The following ZNF735 variants were observed in gnomAD, a reference collection of about 807,000 sequenced individuals.
ZNF735 encodes zinc finger protein 735.
Under a neutral mutation model 13.4 loss-of-function variants are expected in ZNF735, and 11 were observed. The observed-to-expected ratio is 0.82, with a 90% CI of 0.52 to 1.36. ZNF735 has a LOEUF of 1.36. Among genes scored for constraint, ZNF735 ranks in the 40% most tolerant of loss-of-function variants. The pLI, the probability that ZNF735 is intolerant of heterozygous loss-of-function variation, is 0.00. For synonymous variants in ZNF735, 171 were observed against 162.6 expected (o/e 1.05, Z -0.39); for missense variants, 500 against 484.6 (o/e 1.03, Z -0.30).
intron 1 of ZNF735, among the ~76,000 whole-genome samples, chr7:64,209,572 G>T (rs1402046970): frequency 6.6e-6 from 1 of 151,530 alleles, no homozygotes; most frequent in Non-Finnish European, 1.5e-5. Flanking sequence ...TGATTTGCCC[G>T]CCTTGGCCTC....
chr7:64,214,989 A>C (rs1448725698), intron 3 of ZNF735, among the ~76,000 whole-genome samples: 1 of 151,610 alleles, frequency 6.6e-6, no homozygotes. Flanking sequence ...AATTTTGTGC[A>C]ACCTTTCAAA....
chr7:64,208,242 A>ATTT (rs1491567574), intron 1 of ZNF735, among the ~76,000 whole-genome samples: 27 of 76,380 alleles, frequency 3.5e-4, no homozygotes, highest in Middle Eastern at 8.3e-3. Flanking sequence ...TCTCCAATAA[A>ATTT]TGTTTTTTTT....
chr7:64,208,248 T>TG (rs1787314636), intron 1 of ZNF735, among the ~76,000 whole-genome samples: 1 of 48,972 alleles, frequency 2.0e-5, no homozygotes, highest in Non-Finnish European at 4.1e-5. Flanking sequence ...ATAAATGTTT[T>TG]TTTTTTTTTT....
At chr7:64,214,196 C>A (rs1787393250) in intron 3 of ZNF735, 88 bp downstream of exon 3, 1 of 1,353,970 alleles carries the variant, frequency 7.4e-7, no homozygotes. Flanking sequence ...GTCTGCAGAG[C>A]TGTGCTTTTA....
chr7:64,213,624 T>G (rs1787386145), intron 2 of ZNF735, among the ~76,000 whole-genome samples: 1 of 152,156 alleles, frequency 6.6e-6, no homozygotes, highest in Non-Finnish European at 1.5e-5. Flanking sequence ...TATTATATCC[T>G]TTTTACTGAG....
At chr7:64,208,536 C>G (rs1202399842) in intron 1 of ZNF735, among the ~76,000 whole-genome samples, 1 of 152,102 alleles carries the variant, frequency 6.6e-6, no homozygotes, top group African/African-American at 2.4e-5. Flanking sequence ...GGGTTATAGG[C>G]ATGAGCCACC....
At chr7:64,215,307 C>G (rs973559019) in intron 3 of ZNF735, among the ~76,000 whole-genome samples, 1 of 152,154 alleles carries the variant, frequency 6.6e-6, no homozygotes, top group Admixed American at 6.5e-5. Flanking sequence ...ATCTGCCCAC[C>G]TCAGCCTCCC....
intron 3 of ZNF735, among the ~76,000 whole-genome samples, chr7:64,217,441 T>C (rs1787435537): frequency 1.3e-5 from 2 of 152,184 alleles, no homozygotes; most frequent in South Asian, 2.1e-4. Flanking sequence ...TGAATTCATA[T>C]ACAATACAAT....
chr7:64,215,927 T>G (rs1171889279), intron 3 of ZNF735, among the ~76,000 whole-genome samples: 2 of 152,192 alleles, frequency 1.3e-5, no homozygotes, highest in East Asian at 3.8e-4. Context: ...TTGCTTTTTA[T>G]TATGTTTTGA....
At chr7:64,215,126 A>G (rs1018145728) in intron 3 of ZNF735, among the ~76,000 whole-genome samples, 2 of 151,360 alleles carry the variant, frequency 1.3e-5, no homozygotes, top group Non-Finnish European at 2.9e-5. Context: ...CAATGGGGCA[A>G]TTTTGGCTCA....
chr7:64,219,428 A>G (rs1562834062), exon 4 of ZNF735: 2 of 1,613,988 alleles, frequency 1.2e-6, no homozygotes, highest in Non-Finnish European at 1.7e-6. Flanking sequence ...TTACAATTAA[A>G]AAAATGTTGT....
chr7:64,219,673 A>G (rs1333709475), exon 4 of ZNF735: 4 of 1,586,136 alleles, frequency 2.5e-6, no homozygotes, highest in African/African-American at 1.3e-5. Flanking sequence ...GATAATTCAT[A>G]CTAAGGAGAA....
Position 64,219,743 on chromosome 7 carries a change from A to G in ZNF735, c.692A>G (p.His231Arg), listed in dbSNP as rs147086260. 283 of 1,606,968 alleles carry G rather than the reference A, an allele frequency of 1.8e-4. 1 individual carries two copies. The East Asian group carries it at 4.4e-3, about 25-fold the overall frequency. ...AACCACTCCTCAAGCGGTACTACAC[A>G]TAAAAGAATTCTTACTGGAGAGAAA... Residue 231 changes from histidine to arginine, a missense_variant, in exon 4 of 4, where the codon CAT becomes CGT. Coordinates refer to ENST00000429565, the Ensembl canonical transcript of ZNF735.
At chr7:64,217,699 T>G (rs1787438621) in intron 3 of ZNF735, among the ~76,000 whole-genome samples, 1 of 152,072 alleles carries the variant, frequency 6.6e-6, no homozygotes, top group South Asian at 2.1e-4. Context: ...AGTCTTTGTC[T>G]CATGCTAGTA....
intron 1 of ZNF735, among the ~76,000 whole-genome samples, chr7:64,209,492 A>G (rs954733310): frequency 6.6e-6 from 1 of 151,730 alleles, no homozygotes; most frequent in Non-Finnish European, 1.5e-5. Flanking sequence ...ATGCCTAGCT[A>G]ATTTTTGTAT....
Position 64,218,111 on chromosome 7 carries a change from C to G in ZNF735, c.263-1203C>G, listed in dbSNP as rs190180679. The stretch of plus-strand genomic sequence containing the variant: ...TTCAGCATTTTATTTAGGGCACATG[C>G]AGTGCTTATATGCTTTTCCAGCATT... On this transcript the variant is annotated intron_variant, in intron 3 of 3. Coordinates refer to ENST00000429565, the Ensembl canonical transcript of ZNF735. Among the ~76,000 whole-genome samples, 1,000 of 152,182 alleles carry G rather than the reference C, an allele frequency of 6.6e-3. 14 individuals are homozygous for G. The highest frequency in any genetic ancestry group is 0.023 in the African/African-American group (945 of 41,554).
At chr7:64,212,955 A>T in intron 1 of ZNF735, 137 bp from the exon 2 acceptor site, 1 of 879,826 alleles carries the variant, frequency 1.1e-6, no homozygotes, top group Non-Finnish European at 1.7e-6. Context: ...AAATTATCTT[A>T]CTGAGTAATT....
exon 4 of ZNF735, chr7:64,219,949 G>C: frequency 1.9e-6 from 3 of 1,613,850 alleles, no homozygotes; most frequent in Non-Finnish European, 2.5e-6. Context: ...CTACAAATGT[G>C]AAGAATGTGG....
At chr7:64,214,068 C>A in exon 3 of ZNF735, 1 of 1,600,480 alleles carries the variant, frequency 6.2e-7, no homozygotes, top group East Asian at 2.2e-5. Context: ...ATAAAGAGCC[C>A]CAGAATATAA....
Sources: gnomAD v4.1 joint callset for allele counts (sites outside exome capture counted in the v4.1 genomes callset) on GRCh38, gnomAD v4.1.1 for gene constraint, MANE v1.5 for transcripts, NCBI Gene and HGNC (gene_info 2026-07-23, HGNC 2026-07-21) for gene names.